DCDC1: variants seen among roughly 807,000 people sequenced by gnomAD.
The protein encoded by DCDC1 is doublecortin domain containing 1, also known as doublecortin domain-containing protein 1.
A neutral mutation model predicts 178.3 loss-of-function variants in DCDC1; 200 were observed. The ratio of observed to expected loss-of-function variants is 1.12; its 90% CI spans 1.00 to 1.26. The LOEUF is 1.26. DCDC1 is among the 50% of genes most tolerant of loss of function. The pLI is 0.00. For missense variants in DCDC1, 1,983 were observed against 1,749.2 expected, an observed-to-expected ratio of 1.13 and a Z score of -2.38; for synonymous variants, 690 against 604.8, an observed-to-expected ratio of 1.14 and a Z score of -2.07.
intron 9 of DCDC1, among the ~76,000 whole-genome samples, chr11:31,239,588 T>C (rs1400025511): frequency 6.6e-6 from 1 of 151,968 alleles, no homozygotes; most frequent in Non-Finnish European, 1.5e-5. Context: ...TTAAGTATCA[T>C]ATTAAAACTG....
At chr11:30,955,713 C>T (rs895175640) in intron 20 of DCDC1, among the ~76,000 whole-genome samples, 3 of 152,154 alleles carry the variant, frequency 2.0e-5, no homozygotes, top group Non-Finnish European at 4.4e-5. Flanking sequence ...ATTTATACCC[C>T]GTAACCTCCC....
At chr11:31,346,074 G>T (rs915077038) in intron 1 of DCDC1, among the ~76,000 whole-genome samples, 1 of 152,126 alleles carries the variant, frequency 6.6e-6, no homozygotes, top group Non-Finnish European at 1.5e-5. Flanking sequence ...ACCTATGAAG[G>T]ATTCTTGCCA....
intron 9 of DCDC1, among the ~76,000 whole-genome samples, chr11:31,174,955 T>C (rs1208504116): frequency 6.6e-6 from 1 of 152,192 alleles, no homozygotes; most frequent in Non-Finnish European, 1.5e-5. Flanking sequence ...AACTTGGACC[T>C]GCCAAATGGC....
At chr11:31,021,215 C>G (rs538167329) in intron 20 of DCDC1, among the ~76,000 whole-genome samples, 9 of 152,230 alleles carry the variant, frequency 5.9e-5, no homozygotes, top group African/African-American at 2.2e-4. Flanking sequence ...TTTCCTTATT[C>G]CAACTACTTT....
At chr11:31,156,883 C>T (rs1565361035) in intron 9 of DCDC1, among the ~76,000 whole-genome samples, 1 of 152,080 alleles carries the variant, frequency 6.6e-6, no homozygotes, top group Admixed American at 6.6e-5. Context: ...TCACACTGCA[C>T]ATAGATGCTC....
chr11:31,235,986 AT>A (rs1976404104), intron 9 of DCDC1, among the ~76,000 whole-genome samples: 1 of 152,058 alleles, frequency 6.6e-6, no homozygotes, highest in Non-Finnish European at 1.5e-5. Context: ...AGTTTTCATG[AT>A]AAAAAGTTCA....
At chr11:31,217,727 A>T (rs1409658219) in intron 9 of DCDC1, among the ~76,000 whole-genome samples, 1 of 152,188 alleles carries the variant, frequency 6.6e-6, no homozygotes, top group Non-Finnish European at 1.5e-5. Context: ...AGTAAAACAC[A>T]TATTATTATA....
chr11:31,324,232 AAAG>A (rs1255633355), intron 3 of DCDC1, among the ~76,000 whole-genome samples: 1 of 152,078 alleles, frequency 6.6e-6, no homozygotes, highest in East Asian at 1.9e-4. Flanking sequence ...AAAAACTTCT[AAAG>A]AAGAAGAACA....
At chr11:31,341,205 C>CA (rs970314605) in intron 1 of DCDC1, among the ~76,000 whole-genome samples, 1 of 152,088 alleles carries the variant, frequency 6.6e-6, no homozygotes, top group Non-Finnish European at 1.5e-5. Context: ...CATTTCAAGA[C>CA]AAAGTTCTCC....
At chr11:31,152,070 ATTAT>A (rs537220398) in intron 9 of DCDC1, among the ~76,000 whole-genome samples, 20 of 152,100 alleles carry the variant, frequency 1.3e-4, no homozygotes, top group Middle Eastern at 3.4e-3. Context: ...AAATATAATT[ATTAT>A]TTGTCAATTA....
chr11:30,907,605 G>A (rs577690913), intron 29 of DCDC1, among the ~76,000 whole-genome samples: 13 of 152,146 alleles, frequency 8.5e-5, no homozygotes, highest in African/African-American at 3.1e-4. Flanking sequence ...GAGCTAGCCT[G>A]CTCGAGAAGA....
intron 17 of DCDC1, among the ~76,000 whole-genome samples, chr11:31,085,927 T>C (rs946518630): frequency 2.0e-5 from 3 of 152,104 alleles, no homozygotes; most frequent in Non-Finnish European, 4.4e-5. Flanking sequence ...AGGGTCTCAC[T>C]ATGTTGCCCA....
At chr11:30,982,459 C>T (rs1950436627) in intron 20 of DCDC1, among the ~76,000 whole-genome samples, 1 of 149,760 alleles carries the variant, frequency 6.7e-6, no homozygotes, top group African/African-American at 2.4e-5. Context: ...AATAGCAACA[C>T]TCTTTTGTTT....
chr11:30,895,321 A>C (rs2134071078), intron 34 of DCDC1, among the ~76,000 whole-genome samples: 1 of 152,306 alleles, frequency 6.6e-6, no homozygotes, highest in African/African-American at 2.4e-5. Context: ...ATGGATTGCA[A>C]TTGGGCTGCA....
chr11:31,067,301 T>C lies in DCDC1; in HGVS notation c.2299-2148A>G, dbSNP rs190833296. Among the ~76,000 whole-genome samples the C allele has an allele frequency of 6.7e-3, 1,020 of 152,148 alleles. 6 individuals are homozygous for C. Among genetic ancestry groups the C allele is most frequent in the Admixed American group, 8.9e-3 (136 of 15,262 alleles). On this transcript the variant is annotated intron_variant, in intron 18 of 38. Transcript: ENST00000684477. The stretch of plus-strand genomic sequence containing the variant: ...AAGAAAAGGATCTAGTAGACATTTC[T>C]CCAAAGAAGATAAACCATTTGCTAA...
intron 17 of DCDC1, 38 bp from the exon 18 acceptor site, chr11:31,077,963 C>G: frequency 1.3e-6 from 1 of 763,512 alleles, no homozygotes; most frequent in Non-Finnish European, 2.4e-6. Context: ...GACATCTTCT[C>G]TCCACAGAAA....
intron 9 of DCDC1, among the ~76,000 whole-genome samples, chr11:31,235,232 T>C (rs1034136609): frequency 6.6e-6 from 1 of 152,028 alleles, no homozygotes; most frequent in Non-Finnish European, 1.5e-5. Flanking sequence ...TTTTTTACAA[T>C]TATGGAAGTC....
intron 9 of DCDC1, among the ~76,000 whole-genome samples, chr11:31,151,663 A>G (rs960375290): frequency 3.3e-5 from 5 of 152,222 alleles, no homozygotes; most frequent in African/African-American, 9.6e-5. Context: ...TTTCCTAGGC[A>G]CATGTATAGA....
chr11:30,873,337 GTATATACATA>G (rs761377544), intron 38 of DCDC1, among the ~76,000 whole-genome samples: 8 of 138,320 alleles, frequency 5.8e-5, no homozygotes, highest in South Asian at 4.5e-4. Flanking sequence ...AAATGTGTGT[GTATATACATA>G]TATATATATA....
Sources: gnomAD v4.1 joint callset for allele counts (sites outside exome capture counted in the v4.1 genomes callset) on GRCh38, gnomAD v4.1.1 for gene constraint, MANE v1.5 for transcripts, NCBI Gene and HGNC (gene_info 2026-07-23, HGNC 2026-07-21) for gene names.